GMPR: variants seen among roughly 807,000 people sequenced by gnomAD.
The protein encoded by GMPR is guanosine monophosphate reductase.
GMPR carries 31 observed loss-of-function variants against 38.4 expected under a neutral mutation model. The observed-to-expected ratio is 0.81, with a 90% confidence interval of 0.61 to 1.09. The LOEUF is 1.09. Among genes scored for constraint, GMPR ranks in the 50% least tolerant of loss-of-function variants. The pLI is 0.00. For synonymous variants in GMPR, 162 were observed against 173.3 expected, an observed-to-expected ratio of 0.93 and a Z score of 0.51; for missense variants, 468 against 453.7, an observed-to-expected ratio of 1.03 and a Z score of -0.29.
At chr6:16,285,928 C>T (rs574778248) in intron 7 of GMPR, 93 bp downstream of exon 7, 9 of 1,078,392 alleles carry the variant, frequency 8.3e-6, no homozygotes, top group Middle Eastern at 4.0e-4. Context: ...GGAGGGGGAC[C>T]TGGTGGGGAA....
intron 2 of GMPR, 96 bp downstream of exon 2, chr6:16,247,057 T>A: frequency 8.5e-7 from 1 of 1,176,380 alleles, no homozygotes; most frequent in Non-Finnish European, 1.2e-6. Flanking sequence ...CAAGGAAGAG[T>A]AGAAATGTGA....
intron 6 of GMPR, among the ~76,000 whole-genome samples, chr6:16,279,265 G>T (rs983356750): frequency 5.9e-5 from 9 of 152,166 alleles, no homozygotes; most frequent in African/African-American, 1.4e-4. Context: ...GGGTGTTGGG[G>T]GGGGCATGCT....
intron 4 of GMPR, among the ~76,000 whole-genome samples, chr6:16,258,648 G>A (rs1475768846): frequency 6.6e-6 from 1 of 152,232 alleles, no homozygotes; most frequent in African/African-American, 2.4e-5. Flanking sequence ...ACTTTGGCAA[G>A]GTAGGTGTTT....
intron 1 of GMPR, among the ~76,000 whole-genome samples, chr6:16,244,746 T>G (rs1240921489): frequency 6.6e-6 from 1 of 152,182 alleles, no homozygotes; most frequent in East Asian, 1.9e-4. Context: ...AAAATATTTA[T>G]CTCTGCTAGT....
intron 5 of GMPR, among the ~76,000 whole-genome samples, chr6:16,277,146 C>G (rs1337913788): frequency 6.6e-6 from 1 of 152,146 alleles, no homozygotes; most frequent in Non-Finnish European, 1.5e-5. Context: ...AAGGCGCCTT[C>G]GTGGGAATGA....
At chr6:16,262,489 G>A (rs978643475) in intron 4 of GMPR, 7 of 152,016 alleles carry the variant, frequency 4.6e-5, no homozygotes, top group South Asian at 2.1e-4. Context: ...CTGGAGGAAC[G>A]CCTGGCTGCT....
At chr6:16,280,680 G>C (rs1759557809) in intron 6 of GMPR, among the ~76,000 whole-genome samples, 1 of 152,216 alleles carries the variant, frequency 6.6e-6, no homozygotes, top group East Asian at 1.9e-4. Context: ...CTGGCTGCGT[G>C]AGGATCACCA....
chr6:16,260,958 A>G (rs1443620413), intron 4 of GMPR, among the ~76,000 whole-genome samples: 3 of 152,044 alleles, frequency 2.0e-5, no homozygotes, highest in Admixed American at 6.6e-5. Flanking sequence ...AGCAGAAAGT[A>G]TATGCGTCAG....
At position 16,278,905 on chromosome 6, in the gene GMPR, G is replaced by T; in HGVS notation, c.654+15G>T. 3 of 1,541,402 alleles carry T rather than the reference G, an allele frequency of 1.9e-6. No homozygotes were observed. Among genetic ancestry groups the T allele is most frequent in the Non-Finnish European group, 2.7e-6 (3 of 1,117,128 alleles). On this transcript the variant is annotated intron_variant, in intron 6 of 8. Transcript: ENST00000259727. Reference sequence around the variant, plus strand: ...ACATCATCTCTGTGAGTCTCCACCCGGGGCTGAGGCTGGGGTGTCTTGGGA... The same window carrying T: ...ACATCATCTCTGTGAGTCTCCACCCTGGGCTGAGGCTGGGGTGTCTTGGGA...
At chr6:16,285,033 CAAA>C (rs11370216) in intron 6 of GMPR, among the ~76,000 whole-genome samples, 9 of 108,596 alleles carry the variant, frequency 8.3e-5, no homozygotes, top group African/African-American at 2.6e-4. Flanking sequence ...AAAAAAAAAA[CAAA>C]AAAAAAAAAA....
intron 2 of GMPR, among the ~76,000 whole-genome samples, chr6:16,248,309 A>T (rs1758800942): frequency 6.6e-6 from 1 of 150,764 alleles, no homozygotes; most frequent in African/African-American, 2.4e-5. Flanking sequence ...AATAAAATTA[A>T]AAAAAAATTA....
chr6:16,257,298 A>T (rs982614842), intron 4 of GMPR, among the ~76,000 whole-genome samples: 1 of 152,106 alleles, frequency 6.6e-6, no homozygotes, highest in Admixed American at 6.6e-5. Flanking sequence ...ACCTCACCCT[A>T]TGTCTCGCTT....
chr6:16,254,862 T>C (rs1382655947), intron 4 of GMPR, 127 bp downstream of exon 4: 2 of 653,894 alleles, frequency 3.1e-6, no homozygotes, highest in Non-Finnish European at 5.4e-6. Context: ...AAAGATTAAT[T>C]GAGGATCATT....
chr6:16,266,213 A>C (rs975528621), intron 4 of GMPR, among the ~76,000 whole-genome samples: 2 of 150,738 alleles, frequency 1.3e-5, no homozygotes, highest in African/African-American at 4.9e-5. Context: ...ACTCGCTGCG[A>C]AGAATGAAGA....
intron 2 of GMPR, 98 bp from the exon 3 acceptor site, chr6:16,250,186 C>T: frequency 1.3e-6 from 1 of 760,222 alleles, no homozygotes; most frequent in Non-Finnish European, 2.4e-6. Flanking sequence ...GGCAGGAACA[C>T]TGATGCCTTT....
chr6:16,262,894 T>G (rs1040636943), intron 4 of GMPR: 2 of 151,958 alleles, frequency 1.3e-5, no homozygotes, highest in Non-Finnish European at 2.9e-5. Flanking sequence ...GCCACCTTTT[T>G]AAGAGTAAAT....
intron 5 of GMPR, among the ~76,000 whole-genome samples, chr6:16,276,556 C>A (rs1473527790): frequency 6.6e-6 from 1 of 152,100 alleles, no homozygotes; most frequent in Non-Finnish European, 1.5e-5. Flanking sequence ...TTCTATTTCC[C>A]CAGAAGCTGT....
At chr6:16,288,625 A>T (rs1325103416) in intron 7 of GMPR, among the ~76,000 whole-genome samples, 2 of 152,224 alleles carry the variant, frequency 1.3e-5, no homozygotes, top group Non-Finnish European at 2.9e-5. Flanking sequence ...CAACCATGCA[A>T]GGGCTGAGGA....
In GMPR at chr6:16,263,529, C is replaced by T. The variant is rs984738071; in HGVS notation, c.465+8794C>T. On this transcript the variant is annotated intron_variant, in intron 4 of 8. Transcript: ENST00000259727. Reference sequence around the variant, plus strand: ...AGTAGAGACACGGAGGGAAGGGGTTCAGGGGTTCTTACCTTCCAGAAAAGC... The same window carrying T: ...AGTAGAGACACGGAGGGAAGGGGTTTAGGGGTTCTTACCTTCCAGAAAAGC... Among the ~76,000 whole-genome samples the T allele has an allele frequency of 2.3e-4, 35 of 150,786 alleles. 1 individual carries two copies. Among genetic ancestry groups the T allele is most frequent in the African/African-American group, 7.6e-4 (31 of 41,026 alleles).
Sources: gnomAD v4.1 joint callset for allele counts (sites outside exome capture counted in the v4.1 genomes callset) on GRCh38, gnomAD v4.1.1 for gene constraint, MANE v1.5 for transcripts, NCBI Gene and HGNC (gene_info 2026-07-23, HGNC 2026-07-21) for gene names.